Variants in IQSEC3 observed in about 807,000 individuals in gnomAD.
IQSEC3 encodes IQ motif and Sec7 domain ArfGEF 3.
In IQSEC3, 50 loss-of-function variants were observed where a neutral mutation model predicts 105.4. The observed-to-expected ratio is 0.47, with a 90% CI of 0.38 to 0.60. IQSEC3 has a LOEUF of 0.60. IQSEC3 is among the 20% of genes least tolerant of loss of function. The pLI is 0.00. For synonymous variants in IQSEC3, 708 were observed against 746.0 expected (o/e 0.95, Z 0.83); for missense variants, 1,415 against 1,630.0 (o/e 0.87, Z 2.27).
At chr12:150,189 C>A (rs1353891957) in intron 5 of IQSEC3, among the ~76,000 whole-genome samples, 3 of 152,190 alleles carry the variant, frequency 2.0e-5, no homozygotes, top group African/African-American at 4.8e-5. Flanking sequence ...AGGCAGCCAG[C>A]GCACAGCCAG....
intron 2 of IQSEC3, among the ~76,000 whole-genome samples, chr12:100,481 G>A (rs962237035): frequency 2.0e-5 from 3 of 152,194 alleles, no homozygotes; most frequent in Non-Finnish European, 2.9e-5. Flanking sequence ...CAGCCACCCC[G>A]TGAAAGGCAT....
intron 11 of IQSEC3, chr12:166,124 C>T (rs1938635625): frequency 5.9e-6 from 3 of 511,958 alleles, no homozygotes; most frequent in Admixed American, 3.6e-5. Context: ...CACAGATCAG[C>T]AGGCATGTGG....
In IQSEC3 at chr12:155,181, C is replaced by G. The variant is rs1210094541; in HGVS notation, c.2154-1844C>G. ...GCAGGGTGGAGGTGAGGAGGGCCAC[C>G]GGGAAATCAGAGCAGCCTCTCGCCT... is the stretch of plus-strand genomic sequence containing the variant. On this transcript the variant is annotated intron_variant, in intron 5 of 13. Transcript: ENST00000538872. Among the ~76,000 whole-genome samples, 4 of 152,202 alleles carry G rather than the reference C, an allele frequency of 2.6e-5. No homozygotes were observed. In the East Asian group the frequency reaches 5.8e-4, roughly 22 times the overall value.
intron 3 of IQSEC3, among the ~76,000 whole-genome samples, chr12:136,187 C>A (rs1025602168): frequency 7.2e-5 from 11 of 152,184 alleles, no homozygotes; most frequent in Admixed American, 7.2e-4. Flanking sequence ...ACACATTAAT[C>A]TGCGTGAGTT....
At chr12:142,982 G>A (rs1866095062) in intron 5 of IQSEC3, among the ~76,000 whole-genome samples, 1 of 152,156 alleles carries the variant, frequency 6.6e-6, no homozygotes, top group Non-Finnish European at 1.5e-5. Flanking sequence ...CCTGACTGTT[G>A]TCTGTTTTCT....
At chr12:155,803 C>T (rs551568288) in intron 5 of IQSEC3, among the ~76,000 whole-genome samples, 2 of 152,186 alleles carry the variant, frequency 1.3e-5, no homozygotes, top group South Asian at 4.2e-4. Flanking sequence ...GACTGCTTGC[C>T]GGCAGTGGGC....
At chr12:168,133 T>C (rs1001035284) in intron 11 of IQSEC3, among the ~76,000 whole-genome samples, 34 of 152,244 alleles carry the variant, frequency 2.2e-4, no homozygotes, top group African/African-American at 8.2e-4. Flanking sequence ...ACTTGAGTTA[T>C]GTCTCCTGGA....
At chr12:108,101 T>G (rs1864743024) in intron 2 of IQSEC3, among the ~76,000 whole-genome samples, 1 of 149,836 alleles carries the variant, frequency 6.7e-6, no homozygotes, top group South Asian at 2.1e-4. Flanking sequence ...TCCCTAACCC[T>G]AACCCTAACC....
chr12:72,447 C>A (rs1189184060), intron 1 of IQSEC3, among the ~76,000 whole-genome samples: 5 of 142,136 alleles, frequency 3.5e-5, no homozygotes, highest in African/African-American at 1.0e-4. Context: ...TGTTGGGAAG[C>A]CTGAACATTT....
chr12:125,446 T>A lies in IQSEC3; in HGVS notation c.624-187T>A, dbSNP rs143570802. Among the ~76,000 whole-genome samples the A allele has an allele frequency of 1.0e-3, 159 of 152,056 alleles. No homozygotes were observed. The South Asian group carries it at 0.019, about 19-fold the overall frequency. On this transcript the variant is annotated intron_variant, in intron 2 of 13. Transcript: ENST00000538872. The stretch of plus-strand genomic sequence containing the variant: ...AGCTGCCTCCCCAGGTGCGGGTTCT[T>A]CTCCGTGCCCAGGGCTCATCCCTGC...
intron 3 of IQSEC3, among the ~76,000 whole-genome samples, chr12:128,575 C>T (rs1555084156): frequency 2.0e-5 from 3 of 152,272 alleles, no homozygotes; most frequent in East Asian, 1.9e-4. Context: ...CTCTGTCAGC[C>T]AGTCCAGATC....
At chr12:161,168 C>T (rs1488272651) in intron 7 of IQSEC3, among the ~76,000 whole-genome samples, 1 of 152,054 alleles carries the variant, frequency 6.6e-6, no homozygotes, top group Non-Finnish European at 1.5e-5. Flanking sequence ...GAGATGCTTG[C>T]CAAAGTTGTT....
intron 2 of IQSEC3, 29 bp from the exon 3 acceptor site, chr12:125,599 CCCCCA>C (rs1865362762): frequency 6.8e-7 from 1 of 1,468,522 alleles, no homozygotes; most frequent in Non-Finnish European, 8.9e-7. Flanking sequence ...GTCGCCCTCT[CCCCCA>C]ACCGAGCACC....
chr12:79,676 C>A (rs1429046977), intron 1 of IQSEC3, among the ~76,000 whole-genome samples: 1 of 152,120 alleles, frequency 6.6e-6, no homozygotes, highest in Non-Finnish European at 1.5e-5. Context: ...AAGCAATCTT[C>A]CCAATTCAGC....
chr12:79,394 A>G (rs920237163), intron 1 of IQSEC3, among the ~76,000 whole-genome samples: 2 of 152,078 alleles, frequency 1.3e-5, no homozygotes, highest in African/African-American at 4.8e-5. Context: ...CTTTTAACAT[A>G]CACACAAAAT....
chr12:91,640 G>T (rs149622375), intron 1 of IQSEC3, among the ~76,000 whole-genome samples: 2 of 152,296 alleles, frequency 1.3e-5, no homozygotes, highest in East Asian at 3.9e-4. Flanking sequence ...GTATCTGGGT[G>T]TGGTGGCACA....
intron 1 of IQSEC3, among the ~76,000 whole-genome samples, chr12:68,946 A>C (rs1382710726): frequency 3.3e-5 from 5 of 152,134 alleles, no homozygotes; most frequent in Non-Finnish European, 5.9e-5. Context: ...ACTCCCTCAA[A>C]ACCCCTTTGT....
At chr12:124,792 C>G (rs1311875248) in intron 2 of IQSEC3, among the ~76,000 whole-genome samples, 8 of 152,184 alleles carry the variant, frequency 5.3e-5, no homozygotes, top group Admixed American at 2.6e-4. Context: ...GGGAAGGAAG[C>G]AATCTGAGGG....
chr12:153,964 C>T (rs919867751), intron 5 of IQSEC3, among the ~76,000 whole-genome samples: 1 of 152,202 alleles, frequency 6.6e-6, no homozygotes, highest in East Asian at 1.9e-4. Flanking sequence ...TGGGGTCCAG[C>T]GAGCTGCATT....
Sources: allele counts gnomAD v4.1 joint callset (sites outside exome capture counted in the v4.1 genomes callset), GRCh38; gene constraint gnomAD v4.1.1; transcripts MANE v1.5; gene names NCBI Gene and HGNC (gene_info 2026-07-23, HGNC 2026-07-21).